The following TYW3 variants were observed in gnomAD, a reference collection of about 807,000 sequenced individuals.
TYW3 encodes tRNA wybutosine-synthesizing protein 3 homolog.
TYW3 carries 26 observed loss-of-function variants against 23.1 expected under a neutral mutation model. The ratio of observed to expected loss-of-function variants is 1.13; its 90% CI spans 0.83 to 1.56. TYW3 has a LOEUF of 1.56. TYW3 is among the 40% of genes most tolerant of loss of function. The pLI is 0.00. For synonymous variants in TYW3, 102 were observed against 105.7 expected, an observed-to-expected ratio of 0.97 and a Z score of 0.21; for missense variants, 316 against 311.9, an observed-to-expected ratio of 1.01 and a Z score of -0.10.
chr1:74,743,209 C>T (rs990293759), intron 3 of TYW3, among the ~76,000 whole-genome samples: 2 of 152,074 alleles, frequency 1.3e-5, no homozygotes, highest in Non-Finnish European at 2.9e-5. Flanking sequence ...GTAACAAGCC[C>T]CACCGGGTGA....
At chr1:74,747,364 G>A (rs1437195148) in intron 3 of TYW3, among the ~76,000 whole-genome samples, 11 of 152,106 alleles carry the variant, frequency 7.2e-5, no homozygotes, top group Admixed American at 1.3e-4. Flanking sequence ...CGGGCCAGGC[G>A]CGGTGGCTCA....
At chr1:74,756,477 C>A (rs1648957643) in intron 5 of TYW3, among the ~76,000 whole-genome samples, 1 of 152,138 alleles carries the variant, frequency 6.6e-6, no homozygotes, top group Non-Finnish European at 1.5e-5. Flanking sequence ...AAGAGACTGG[C>A]AGCATTTTAC....
chr1:74,764,175 A>G lies in TYW3; in HGVS notation c.*62A>G. ...AGTAGGTTTTATAAAGCTGCTCTTC[A>G]TAAGAGTATTTTAGTTTGTTGAGTG... On this transcript the variant is annotated 3_prime_UTR_variant, in exon 6 of 6. Transcript: ENST00000370867. The G allele has an allele frequency of 1.4e-6, 2 of 1,445,494 alleles. No individual in the cohort carries two copies. The highest frequency in any genetic ancestry group is 1.9e-6 in the Non-Finnish European group (2 of 1,056,704). The allele number at this position is 1,445,494 out of a possible 1,614,324, so 89.5% of individuals were successfully genotyped here. A position where few individuals can be genotyped will look rare whatever the true frequency, so the allele number is the denominator to read the frequency against.
At chr1:74,745,921 T>G (rs1648553072) in intron 3 of TYW3, among the ~76,000 whole-genome samples, 1 of 152,184 alleles carries the variant, frequency 6.6e-6, no homozygotes, top group Non-Finnish European at 1.5e-5. Flanking sequence ...TGTCACTTGT[T>G]TCTTCTACTT....
intron 3 of TYW3, among the ~76,000 whole-genome samples, chr1:74,741,967 C>G (rs1570056404): frequency 6.6e-6 from 1 of 152,280 alleles, no homozygotes; most frequent in South Asian, 2.1e-4. Context: ...GCTTTAAAAG[C>G]CAGATCATTG....
chr1:74,746,612 A>C (rs1379965756), intron 3 of TYW3, among the ~76,000 whole-genome samples: 1 of 152,126 alleles, frequency 6.6e-6, no homozygotes, highest in Admixed American at 6.6e-5. Context: ...TTACCTAAGG[A>C]GCTTATATTT....
At chr1:74,762,209 G>C (rs1649158739) in intron 5 of TYW3, among the ~76,000 whole-genome samples, 1 of 152,100 alleles carries the variant, frequency 6.6e-6, no homozygotes. Context: ...ATATGTATTA[G>C]AGTTAGGTGA....
rs894218145 is a variant in TYW3 at position 74,748,800 on chromosome 1, G to A, written c.404G>A (p.Gly135Glu). The A allele has an allele frequency of 1.9e-6, 3 of 1,613,978 alleles. No homozygotes were observed. Among genetic ancestry groups the A allele is most frequent in the Non-Finnish European group, 2.5e-6 (3 of 1,179,926 alleles). ...TTCAGGAACTCTGGCATAACGGTGGGAAAGAGAGGAAAAACTATGTTGGTA... is the reference window on the plus strand; with the variant it reads ...TTCAGGAACTCTGGCATAACGGTGGAAAAGAGAGGAAAAACTATGTTGGTA... Reference protein sequence around the residue: ...SGFRNSGITVGKRGKTMLAVR... With the variant: ...SGFRNSGITVEKRGKTMLAVR... The change falls in exon 4 of 6, where the codon GGA (glycine) becomes GAA (glutamate). Residue 135 changes from glycine to glutamate, a missense_variant. Gly to Glu is a moderately conservative substitution (Grantham distance 98). Transcript: ENST00000370867.
At chr1:74,735,830 G>A (rs920902231) in intron 1 of TYW3, among the ~76,000 whole-genome samples, 6 of 152,190 alleles carry the variant, frequency 3.9e-5, no homozygotes, top group African/African-American at 1.4e-4. Context: ...TGGATCCATC[G>A]TATAAATTAT....
At chr1:74,733,498 G>A (rs113216345) in intron 1 of TYW3, 80 bp downstream of exon 1, 3 of 1,547,814 alleles carry the variant, frequency 1.9e-6, no homozygotes, top group Admixed American at 3.9e-5. Flanking sequence ...AGTGACGACC[G>A]GATCCAGCAT....
chr1:74,755,888 A>T (rs1157755134), intron 5 of TYW3, among the ~76,000 whole-genome samples: 1 of 152,216 alleles, frequency 6.6e-6, no homozygotes, highest in Non-Finnish European at 1.5e-5. Context: ...TTGAATTTCC[A>T]TGTGTTGTGA....
At chr1:74,756,282 T>G (rs1570077087) in intron 5 of TYW3, among the ~76,000 whole-genome samples, 1 of 152,152 alleles carries the variant, frequency 6.6e-6, no homozygotes, top group African/African-American at 2.4e-5. Context: ...TGGAACAGTT[T>G]GGAGGATTCA....
rs191048292 is a variant in TYW3, at chr1:74,737,090, A to G, written c.255+468A>G. Among the ~76,000 whole-genome samples, 873 of 152,366 alleles carry G rather than the reference A, an allele frequency of 5.7e-3. 8 individuals carry two copies. The highest frequency in any genetic ancestry group is 0.014 in the Middle Eastern group (4 of 294). ...TAAGGTAAAGAGTTTAGATGAATTC[A>G]TAAGTTTTTATCAGCCAGGCACTTT... On this transcript the variant is annotated intron_variant, in intron 2 of 5. Coordinates refer to ENST00000370867, the MANE Select transcript of TYW3 (RefSeq NM_138467.3).
intron 3 of TYW3, 88 bp downstream of exon 3, chr1:74,738,876 G>T (rs945233716): frequency 3.6e-6 from 3 of 840,014 alleles, no homozygotes; most frequent in Non-Finnish European, 5.6e-6. Context: ...ATATCAATGA[G>T]ATATTACCTT....
At chr1:74,747,375 C>A (rs1163254158) in intron 3 of TYW3, among the ~76,000 whole-genome samples, 1 of 152,068 alleles carries the variant, frequency 6.6e-6, no homozygotes, top group African/African-American at 2.4e-5. Context: ...CGGTGGCTCA[C>A]GCCTGTAATC....
At chr1:74,750,100 C>T (rs961099257) in intron 4 of TYW3, 3 of 152,232 alleles carry the variant, frequency 2.0e-5, no homozygotes, top group Admixed American at 1.3e-4. Context: ...AGGTCCTATC[C>T]ATGCTGCCCC....
At chr1:74,751,935 T>C (rs375554712) in intron 4 of TYW3, among the ~76,000 whole-genome samples, 1 of 152,352 alleles carries the variant, frequency 6.6e-6, no homozygotes, top group East Asian at 1.9e-4. Context: ...TCTTTTTTAT[T>C]TTCCCTTGAG....
chr1:74,734,911 C>G (rs59091667), intron 1 of TYW3, among the ~76,000 whole-genome samples: 11,596 of 152,246 alleles, frequency 0.076, 601 homozygotes, highest in African/African-American at 0.14. Flanking sequence ...GAAGACAGCA[C>G]ATTGTTAGGC....
At chr1:74,749,560 T>C (rs61790738) in intron 4 of TYW3, among the ~76,000 whole-genome samples, 6,847 of 152,276 alleles carry the variant, frequency 0.045, 182 homozygotes, top group Non-Finnish European at 0.058. Flanking sequence ...CTATTTGAGA[T>C]TACCCTCCTT....
Sources: gnomAD v4.1 joint callset for allele counts (sites outside exome capture counted in the v4.1 genomes callset) on GRCh38, gnomAD v4.1.1 for gene constraint, MANE v1.5 for transcripts, NCBI Gene and HGNC (gene_info 2026-07-23, HGNC 2026-07-21) for gene names.